FMN2: variants seen among roughly 807,000 people sequenced by gnomAD.
FMN2 encodes the protein formin-2.
FMN2 carries 51 observed loss-of-function variants against 142.3 expected under a neutral mutation model. The ratio of observed to expected loss-of-function variants is 0.36; its 90% CI spans 0.29 to 0.45. The LOEUF (loss-of-function observed/expected upper bound fraction) is 0.45. Ranked by LOEUF, FMN2 falls within the 20% of genes least tolerant of loss-of-function variation. The probability of loss-of-function intolerance (pLI) is 1.00; values close to 1 mark genes in which losing one functional copy is unlikely to be tolerated. For synonymous variants in FMN2, 882 were observed against 869.8 expected, an observed-to-expected ratio of 1.01 and a Z score of -0.25; for missense variants, 1,936 against 2,122.8, an observed-to-expected ratio of 0.91 and a Z score of 1.73.
At chr1:240,268,317 C>T (rs1019762313) in intron 7 of FMN2, among the ~76,000 whole-genome samples, 1 of 151,986 alleles carries the variant, frequency 6.6e-6, no homozygotes, top group Non-Finnish European at 1.5e-5. Flanking sequence ...CTGGGCTGTA[C>T]CCATTTCTGA....
intron 7 of FMN2, among the ~76,000 whole-genome samples, chr1:240,286,271 T>C (rs1200638717): frequency 1.3e-5 from 2 of 152,140 alleles, no homozygotes; most frequent in African/African-American, 4.8e-5. Flanking sequence ...TCCCTGTGTA[T>C]TCAGCATAGC....
chr1:240,363,293 A>G (rs1412027490), intron 14 of FMN2, among the ~76,000 whole-genome samples: 1 of 152,214 alleles, frequency 6.6e-6, no homozygotes, highest in Non-Finnish European at 1.5e-5. Context: ...TTCATTGACC[A>G]TTTAATGTTG....
rs181122673 is a variant in FMN2, at chr1:240,136,694, C to G, written c.1782+13349C>G. The stretch of plus-strand genomic sequence containing the variant: ...TTTTCTTGTCTTTCTCCTGTAGATG[C>G]ACTGAATATTAATTAGTTCTATTGA... On this transcript the variant is annotated intron_variant, in intron 2 of 17. Transcript: ENST00000319653. Among the ~76,000 whole-genome samples the G allele has an allele frequency of 4.6e-5, 7 of 152,244 alleles. No homozygotes were observed. The East Asian group carries it at 1.4e-3, about 29-fold the overall frequency.
chr1:240,143,268 G>A (rs1248020021), intron 2 of FMN2: 8 of 1,561,102 alleles, frequency 5.1e-6, no homozygotes, highest in Non-Finnish European at 8.8e-7. Flanking sequence ...TTTGCTTAGG[G>A]TATCCAGGAT....
intron 16 of FMN2, among the ~76,000 whole-genome samples, chr1:240,452,034 A>T (rs1339565091): frequency 6.6e-6 from 1 of 152,032 alleles, no homozygotes; most frequent in Non-Finnish European, 1.5e-5. Flanking sequence ...TACTAAAAAT[A>T]CAAAAAATTA....
chr1:240,137,714 A>G (rs535864329), intron 2 of FMN2, among the ~76,000 whole-genome samples: 5 of 152,284 alleles, frequency 3.3e-5, no homozygotes, highest in South Asian at 2.1e-4. Flanking sequence ...GGGTGATAGA[A>G]GAGTTTTCAG....
intron 15 of FMN2, among the ~76,000 whole-genome samples, chr1:240,416,261 T>A (rs992761605): frequency 2.8e-4 from 19 of 67,374 alleles, no homozygotes; most frequent in African/African-American, 7.5e-4. Context: ...CCCTTTCCAC[T>A]CTTTTTTTTT....
intron 1 of FMN2, among the ~76,000 whole-genome samples, chr1:240,112,051 T>C (rs779548311): frequency 2.0e-5 from 3 of 152,188 alleles, no homozygotes; most frequent in Admixed American, 6.5e-5. Context: ...ATATGTAATA[T>C]GTGTGATCAA....
chr1:240,214,612 G>A (rs529887324), intron 6 of FMN2, among the ~76,000 whole-genome samples: 3 of 151,828 alleles, frequency 2.0e-5, no homozygotes, highest in Admixed American at 1.3e-4. Flanking sequence ...TCATGCTTTA[G>A]CATTCACACA....
chr1:240,415,456 G>A (rs771932637), intron 15 of FMN2, among the ~76,000 whole-genome samples: 1 of 151,438 alleles, frequency 6.6e-6, no homozygotes, highest in Non-Finnish European at 1.5e-5. Flanking sequence ...GATGGGTACA[G>A]CAAACCACCA....
intron 15 of FMN2, among the ~76,000 whole-genome samples, chr1:240,406,145 CGAAGGGAATCAGCCTCGGGAGTG>C: frequency 1.9e-5 from 1 of 53,448 alleles, no homozygotes; most frequent in African/African-American, 1.1e-4. Context: ...GTGGGGGGAG[CGAAGGGAATCAGCCTCGGGAGTG>C]GGGGGAGCGA....
chr1:240,293,289 T>C (rs1669852614), intron 7 of FMN2, among the ~76,000 whole-genome samples: 3 of 152,136 alleles, frequency 2.0e-5, no homozygotes, highest in Admixed American at 2.0e-4. Context: ...TTTGCCTTGT[T>C]CTGGGGATGA....
intron 8 of FMN2, among the ~76,000 whole-genome samples, chr1:240,319,946 G>A (rs1670915012): frequency 6.6e-6 from 1 of 152,146 alleles, no homozygotes; most frequent in South Asian, 2.1e-4. Flanking sequence ...AGTTGAAATA[G>A]TACAATTCGG....
intron 6 of FMN2, among the ~76,000 whole-genome samples, chr1:240,247,462 A>G (rs956118144): frequency 6.6e-6 from 1 of 151,434 alleles, no homozygotes; most frequent in Non-Finnish European, 1.5e-5. Flanking sequence ...AGATCGTGCC[A>G]TTGCACTCCA....
At chr1:240,098,038 T>C (rs908059130) in intron 1 of FMN2, among the ~76,000 whole-genome samples, 1 of 151,666 alleles carries the variant, frequency 6.6e-6, no homozygotes, top group Non-Finnish European at 1.5e-5. Flanking sequence ...ATAAAGTGCA[T>C]AGGCTCTAGA....
intron 6 of FMN2, among the ~76,000 whole-genome samples, chr1:240,228,738 A>G (rs928033240): frequency 1.3e-5 from 2 of 152,220 alleles, no homozygotes; most frequent in African/African-American, 2.4e-5. Context: ...ATATCAGACT[A>G]TAATTTTCTG....
intron 13 of FMN2, among the ~76,000 whole-genome samples, chr1:240,334,632 C>G (rs933221852): frequency 1.5e-5 from 2 of 132,822 alleles, no homozygotes; most frequent in Non-Finnish European, 3.1e-5. Flanking sequence ...GGCTTATGAA[C>G]TTTCCTGGGA....
chr1:240,299,252 T>G (rs1670107892), intron 8 of FMN2, among the ~76,000 whole-genome samples: 1 of 152,114 alleles, frequency 6.6e-6, no homozygotes, highest in Admixed American at 6.6e-5. Flanking sequence ...ATGGCCTGAG[T>G]TTTTATATTC....
chr1:240,386,541 A>G (rs886539129), intron 14 of FMN2, among the ~76,000 whole-genome samples: 1 of 152,184 alleles, frequency 6.6e-6, no homozygotes, highest in African/African-American at 2.4e-5. Flanking sequence ...TTGCTTACTC[A>G]TAGCCATTTG....
Sources: allele counts gnomAD v4.1 joint callset (sites outside exome capture counted in the v4.1 genomes callset), GRCh38; gene constraint gnomAD v4.1.1; transcripts MANE v1.5; gene names NCBI Gene and HGNC (gene_info 2026-07-23, HGNC 2026-07-21).